UBA6: variants seen among roughly 807,000 people sequenced by gnomAD.
The protein encoded by UBA6 is ubiquitin like modifier activating enzyme 6.
Under a neutral mutation model 148.3 loss-of-function variants are expected in UBA6, and 87 were observed. That is an observed-to-expected ratio of 0.59 (90% CI 0.49 to 0.70). UBA6 has a LOEUF of 0.70. Ranked by LOEUF, UBA6 falls within the 30% of genes least tolerant of loss-of-function variation. UBA6 has a pLI of 0.00. For synonymous variants in UBA6, 376 were observed against 401.0 expected (o/e 0.94, Z 0.75); for missense variants, 1,186 against 1,241.2 (o/e 0.96, Z 0.67).
intron 2 of UBA6, among the ~76,000 whole-genome samples, chr4:67,690,770 T>TAAAACAAAAC (rs141552662): frequency 1.9e-4 from 29 of 151,730 alleles, no homozygotes; most frequent in South Asian, 4.2e-4. Context: ...ATGACCATTA[T>TAAAACAAAAC]AAAACAAAAC....
chr4:67,680,703 A>AC (rs2109949511), intron 4 of UBA6, among the ~76,000 whole-genome samples: 1 of 152,294 alleles, frequency 6.6e-6, no homozygotes, highest in African/African-American at 2.4e-5. Flanking sequence ...GTGATCTCCC[A>AC]CCTTGAGTGT....
At chr4:67,646,671 A>C (rs1729427962) in intron 15 of UBA6, 53 bp downstream of exon 15, 2 of 1,388,970 alleles carry the variant, frequency 1.4e-6, no homozygotes, top group Non-Finnish European at 2.0e-6. Context: ...TTTAGACAAA[A>C]CTTTTAAAAT....
chr4:67,693,917 T>G (rs1281548891), intron 2 of UBA6, among the ~76,000 whole-genome samples: 1 of 151,910 alleles, frequency 6.6e-6, no homozygotes, highest in Non-Finnish European at 1.5e-5. Flanking sequence ...TACAGATTTT[T>G]AAAAAGAGAA....
intron 7 of UBA6, 150 bp from the exon 8 acceptor site, chr4:67,670,742 G>C: frequency 1.7e-6 from 1 of 592,592 alleles, no homozygotes; most frequent in East Asian, 3.1e-5. Context: ...AGGATAAACT[G>C]ATGCAGAATA....
intron 13 of UBA6, among the ~76,000 whole-genome samples, chr4:67,650,361 C>G (rs975032374): frequency 6.6e-6 from 1 of 151,948 alleles, no homozygotes; most frequent in African/African-American, 2.4e-5. Flanking sequence ...GGATCTGGAC[C>G]GAAAAAGTCC....
intron 1 of UBA6, 66 bp downstream of exon 1, chr4:67,700,983 G>A: frequency 3.1e-6 from 5 of 1,594,098 alleles, no homozygotes; most frequent in Middle Eastern, 3.3e-4. Flanking sequence ...CGGAAAGAAA[G>A]AAGCAGAAAC....
intron 1 of UBA6, among the ~76,000 whole-genome samples, chr4:67,699,265 A>C (rs1270914574): frequency 6.6e-6 from 1 of 152,252 alleles, no homozygotes; most frequent in Admixed American, 6.5e-5. Flanking sequence ...GAGAAGCTCT[A>C]GTTGTCAATT....
intron 19 of UBA6, among the ~76,000 whole-genome samples, chr4:67,637,798 C>T (rs1729201159): frequency 6.6e-6 from 1 of 152,140 alleles, no homozygotes; most frequent in African/African-American, 2.4e-5. Flanking sequence ...GACACAAACA[C>T]TGCGGTAGGC....
intron 17 of UBA6, among the ~76,000 whole-genome samples, chr4:67,644,154 A>T (rs1480629488): frequency 6.6e-6 from 1 of 152,130 alleles, no homozygotes; most frequent in African/African-American, 2.4e-5. Context: ...TTAAAAGGCA[A>T]ACAGCACCAG....
Position 67,701,085 on chromosome 4 carries a change from C to G in UBA6, c.35G>C (p.Gly12Ala). 1 of 1,613,806 alleles carries G rather than the reference C, an allele frequency of 6.2e-7. No homozygotes were observed. The highest frequency in any genetic ancestry group is 8.5e-7 in the Non-Finnish European group (1 of 1,179,812). The stretch of plus-strand genomic sequence containing the variant: ...CCAGGAAGAACAGGACGCCTCTTCC[C>G]CCTGATGGGCGGCCACAGGCTCGGA... Reference protein sequence around the residue: ...EGSEPVAAHQGEEASCSSWGT... With the variant: ...EGSEPVAAHQAEEASCSSWGT... Residue 12 changes from glycine (G) to alanine (A), a missense_variant, in exon 1 of 33, where the codon GGG becomes GCG. Gly to Ala is a moderately conservative substitution (Grantham distance 60). Transcript: ENST00000322244.
At chr4:67,697,125 C>A (rs1283710003) in intron 1 of UBA6, among the ~76,000 whole-genome samples, 1 of 152,142 alleles carries the variant, frequency 6.6e-6, no homozygotes, top group African/African-American at 2.4e-5. Flanking sequence ...CATGCCTCAG[C>A]CTCCCAAGTG....
Position 67,700,759 on chromosome 4 carries a change from C to G in UBA6, c.71+290G>C, listed in dbSNP as rs531947300. 1.9e-3 allele frequency among the ~76,000 whole-genome samples: 286 copies of G among 152,268 alleles called. 2 individuals carry two copies. Among genetic ancestry groups the G allele is most frequent in the Non-Finnish European group, 3.0e-3 (207 of 68,006 alleles). On this transcript the variant is annotated intron_variant, in intron 1 of 32. Coordinates refer to ENST00000322244, the MANE Select transcript of UBA6 (RefSeq NM_018227.6). Reference sequence around the variant, plus strand: ...GACCAGAACTCGCTCTCGACCGGAGCCCCCCAAGTCTGGTGACTTGGAGGA... The same window carrying G: ...GACCAGAACTCGCTCTCGACCGGAGGCCCCCAAGTCTGGTGACTTGGAGGA...
Position 67,614,052 on chromosome 4 carries a change from T to C in UBA6, c.*4945A>G, listed in dbSNP as rs1366787488. 1 of 152,144 alleles carries C rather than the reference T, an allele frequency of 6.6e-6. No homozygotes were observed. The highest frequency in any genetic ancestry group is 2.1e-4 in the South Asian group (1 of 4,822). The allele number at this position is 152,144 out of a possible 1,614,324, so 9.4% of individuals were successfully genotyped here. ...CTTTTAGGTCCAATAAGAAACACTT[T>C]ACAACCTGCTCTCTTTGAAGTCTGC... On this transcript the variant is annotated 3_prime_UTR_variant, in exon 33 of 33. Transcript: ENST00000322244.
At chr4:67,641,877 C>T (rs1055485624) in intron 17 of UBA6, among the ~76,000 whole-genome samples, 4 of 151,998 alleles carry the variant, frequency 2.6e-5, no homozygotes, top group Non-Finnish European at 4.4e-5. Context: ...TTCTAAAGGA[C>T]GCAAGATGAA....
intron 12 of UBA6, 27 bp downstream of exon 12, chr4:67,663,112 T>C: frequency 6.5e-7 from 1 of 1,546,736 alleles, no homozygotes; most frequent in Non-Finnish European, 8.8e-7. Flanking sequence ...AAAAGGAAAA[T>C]ACTTATTTTT....
Position 67,681,537 on chromosome 4 carries a change from TTTTC to T in UBA6, c.258+22_258+25del, listed in dbSNP as rs766927377. The T allele has an allele frequency of 1.9e-6, 3 of 1,541,370 alleles. No homozygotes were observed. In the East Asian group the frequency reaches 7.1e-5, roughly 36 times the overall value. ...GCCAAAAAAAAAGGCTCATAACAAT[TTTTC>T]TTACAGAGGACATTTACTTACCTTA... is the stretch of plus-strand genomic sequence containing the variant. On this transcript the variant is annotated intron_variant, in intron 4 of 32. Coordinates refer to ENST00000322244, the MANE Select transcript of UBA6 (RefSeq NM_018227.6).
rs1577779633 is a variant in UBA6, at chr4:67,613,391, G to A, written c.*5606C>T. On this transcript the variant is annotated 3_prime_UTR_variant, in exon 33 of 33. Transcript: ENST00000322244. ...GACCCACAGGCGGGTTTTGATTCTG[G>A]AATTATTAGACAGACTAGAAAATAA... 6.6e-6 allele frequency: 1 copy of A among 152,094 alleles called. No homozygotes were observed. Among genetic ancestry groups the A allele is most frequent in the African/African-American group, 2.4e-5 (1 of 41,408 alleles). 9.4% of individuals were successfully genotyped at this position (152,094 alleles called of 1,614,324 possible). A position where few individuals can be genotyped will look rare whatever the true frequency, so the allele number is the denominator to read the frequency against.
chr4:67,662,434 C>T, intron 12 of UBA6, 179 bp from the exon 13 acceptor site: 1 of 517,244 alleles, frequency 1.9e-6, no homozygotes, highest in Non-Finnish European at 3.4e-6. Context: ...ACTTCAAAAT[C>T]ACACTTATAT....
chr4:67,643,541 T>C (rs938806625), intron 17 of UBA6, among the ~76,000 whole-genome samples: 5 of 152,046 alleles, frequency 3.3e-5, no homozygotes, highest in Non-Finnish European at 4.4e-5. Flanking sequence ...TGAGTTTCAA[T>C]TTCTCATTAG....
Sources: gnomAD v4.1 joint callset for allele counts (sites outside exome capture counted in the v4.1 genomes callset) on GRCh38, gnomAD v4.1.1 for gene constraint, MANE v1.5 for transcripts, NCBI Gene and HGNC (gene_info 2026-07-23, HGNC 2026-07-21) for gene names.